MRTFB: variants seen among roughly 807,000 people sequenced by gnomAD.
MRTFB encodes the protein myocardin related transcription factor B.
MRTFB carries 29 observed loss-of-function variants against 104.2 expected under a neutral mutation model. The observed-to-expected ratio is 0.28, with a 90% confidence interval of 0.21 to 0.38. The LOEUF (loss-of-function observed/expected upper bound fraction) is 0.38, where lower values mean the gene tolerates loss of function less well. Ranked by LOEUF, MRTFB falls within the 10% of genes least tolerant of loss-of-function variation. The probability of loss-of-function intolerance (pLI) is 1.00; values close to 1 mark genes in which losing one functional copy is unlikely to be tolerated. For synonymous variants in MRTFB, 535 were observed against 519.5 expected, an observed-to-expected ratio of 1.03 and a Z score of -0.41; for missense variants, 1,270 against 1,341.6, an observed-to-expected ratio of 0.95 and a Z score of 0.83.
the MRTFB span, among the ~76,000 whole-genome samples, chr16:14,010,343 A>T: frequency 1.3e-5 from 2 of 152,062 alleles, no homozygotes; most frequent in Non-Finnish European, 2.9e-5. Flanking sequence ...TTGAGACAGG[A>T]TCTTGCTCTG....
chr16:14,072,929 A>T (rs1031995419), intron 1 of MRTFB, among the ~76,000 whole-genome samples: 2 of 152,204 alleles, frequency 1.3e-5, no homozygotes, highest in Non-Finnish European at 2.9e-5. Context: ...GCTTCCTAAC[A>T]ATTACCATTG....
intron 3 of MRTFB, among the ~76,000 whole-genome samples, chr16:14,164,314 G>T (rs972089212): frequency 6.6e-6 from 1 of 152,076 alleles, no homozygotes; most frequent in Non-Finnish European, 1.5e-5. Context: ...GAGTGAGAAC[G>T]TGCAGTATTT....
At chr16:14,213,897 A>G (rs972419475) in intron 6 of MRTFB, among the ~76,000 whole-genome samples, 1 of 152,232 alleles carries the variant, frequency 6.6e-6, no homozygotes, top group African/African-American at 2.4e-5. Context: ...TGGGGTCCAG[A>G]GGATTTCTTT....
the MRTFB span, among the ~76,000 whole-genome samples, chr16:14,018,047 T>C: frequency 6.6e-6 from 1 of 151,958 alleles, no homozygotes; most frequent in Non-Finnish European, 1.5e-5. Context: ...TATGAAAGCT[T>C]CCTTTCCAAG....
chr16:14,109,736 A>G (rs2036176258), intron 2 of MRTFB, among the ~76,000 whole-genome samples: 1 of 152,244 alleles, frequency 6.6e-6, no homozygotes, highest in South Asian at 2.1e-4. Context: ...CAAAGTTCTG[A>G]AGTCAGTAGG....
chr16:14,044,550 C>T, the MRTFB span, among the ~76,000 whole-genome samples: 2 of 152,220 alleles, frequency 1.3e-5, no homozygotes, highest in African/African-American at 2.4e-5. Flanking sequence ...AGTAGGAATT[C>T]TGTGTACCAG....
intron 8 of MRTFB, 81 bp from the exon 9 acceptor site, chr16:14,234,065 G>A: frequency 6.5e-7 from 1 of 1,541,912 alleles, no homozygotes. Context: ...TAAAAACCAG[G>A]TCATTCCCTT....
chr16:14,204,549 G>A (rs2040856374), intron 3 of MRTFB, among the ~76,000 whole-genome samples: 1 of 152,128 alleles, frequency 6.6e-6, no homozygotes. Context: ...TTGCATAAAA[G>A]TAGAGCAAAT....
chr16:14,157,702 A>G (rs1396034934), intron 3 of MRTFB, among the ~76,000 whole-genome samples: 1 of 152,208 alleles, frequency 6.6e-6, no homozygotes. Context: ...CCAACAAGGA[A>G]CTATTGAGTT....
At chr16:14,169,529 A>G (rs2039355795) in intron 3 of MRTFB, among the ~76,000 whole-genome samples, 2 of 152,272 alleles carry the variant, frequency 1.3e-5, no homozygotes, top group South Asian at 4.2e-4. Context: ...TGTCAAATAC[A>G]TGTTTTACAA....
At chr16:14,136,549 T>A (rs1000085770) in intron 2 of MRTFB, among the ~76,000 whole-genome samples, 17 of 152,108 alleles carry the variant, frequency 1.1e-4, no homozygotes, top group African/African-American at 3.4e-4. Flanking sequence ...GATTTTTTTT[T>A]AAACCTCCCC....
upstream of MRTFB, among the ~76,000 whole-genome samples, chr16:14,067,753 G>T (rs751040152): frequency 1.3e-5 from 2 of 152,080 alleles, no homozygotes; most frequent in Non-Finnish European, 2.9e-5. Context: ...GGAAGTACTG[G>T]AGTAATTCTG....
At chr16:14,248,579 C>G (rs1048836035) in intron 12 of MRTFB, 1 of 178,934 alleles carries the variant, frequency 5.6e-6, no homozygotes, top group African/African-American at 2.4e-5. Context: ...ACAGTTAGGT[C>G]TCACGAGTTG....
chr16:14,052,101 G>C, the MRTFB span, among the ~76,000 whole-genome samples: 1 of 152,024 alleles, frequency 6.6e-6, no homozygotes. Flanking sequence ...ATGCAAAGTG[G>C]TCATACTTTG....
At chr16:14,127,770 G>T (rs556438384) in intron 2 of MRTFB, among the ~76,000 whole-genome samples, 51 of 150,688 alleles carry the variant, frequency 3.4e-4, no homozygotes, top group African/African-American at 1.2e-3. Context: ...TTTCTCCAGG[G>T]TGTCATTTTT....
the MRTFB span, among the ~76,000 whole-genome samples, chr16:14,008,007 T>G: frequency 2.0e-5 from 3 of 152,200 alleles, no homozygotes; most frequent in Non-Finnish European, 4.4e-5. Context: ...TGTGAAAATT[T>G]TCTCTCATTC....
intron 8 of MRTFB, among the ~76,000 whole-genome samples, chr16:14,227,277 T>TA (rs371600553): frequency 7.5e-4 from 109 of 144,596 alleles, no homozygotes; most frequent in Middle Eastern, 3.5e-3. Flanking sequence ...AGCTTGTTGT[T>TA]AAAAAAACAA....
At chr16:14,001,331 G>A in the MRTFB span, among the ~76,000 whole-genome samples, 1 of 152,178 alleles carries the variant, frequency 6.6e-6, no homozygotes, top group Non-Finnish European at 1.5e-5. Flanking sequence ...TCCATTATCT[G>A]CTGTGAGCGC....
chr16:14,016,631 G>A, the MRTFB span, among the ~76,000 whole-genome samples: 2,084 of 152,172 alleles, frequency 0.014, 49 homozygotes, highest in African/African-American at 0.048. Context: ...AAATTAGCCA[G>A]GAGTGGCGGC....
Sources: allele counts gnomAD v4.1 joint callset (sites outside exome capture counted in the v4.1 genomes callset), GRCh38; gene constraint gnomAD v4.1.1; transcripts MANE v1.5; gene names NCBI Gene and HGNC (gene_info 2026-07-23, HGNC 2026-07-21).